The following EYS variants were observed in gnomAD, a reference collection of about 807,000 sequenced individuals.
EYS encodes the protein EGF-like photoreceptor maintenance factor, also known as protein eyes shut homolog.
Under a neutral mutation model 282.1 loss-of-function variants are expected in EYS, and 250 were observed. That is an observed-to-expected ratio of 0.89 (90% confidence interval 0.80 to 0.98). EYS has a LOEUF of 0.98. Among genes scored for constraint, EYS ranks in the 50% least tolerant of loss-of-function variants. The pLI is 0.00. For missense variants in EYS, 4,016 were observed against 3,709.0 expected (o/e 1.08, Z -2.15); for synonymous variants, 1,355 against 1,282.9 (o/e 1.06, Z -1.20).
rs369722370 is a variant in EYS, at chr6:64,491,660, G to A, written c.5645-52308C>T. Among the ~76,000 whole-genome samples the A allele has an allele frequency of 1.3e-4, 19 of 151,054 alleles. No homozygotes were observed. In the East Asian group the frequency reaches 1.6e-3, roughly 12 times the overall value. ...TAAGTACCATTATCCTCTCTTTGCA[G>A]ATGAGTAAACTGAGGCACAGAGAGT... On this transcript the variant is annotated intron_variant, in intron 26 of 42. Coordinates refer to ENST00000503581, the MANE Select transcript of EYS (RefSeq NM_001142800.2).
At chr6:64,600,841 T>C (rs892557939) in intron 24 of EYS, among the ~76,000 whole-genome samples, 7 of 152,256 alleles carry the variant, frequency 4.6e-5, no homozygotes, top group African/African-American at 1.7e-4. Flanking sequence ...TTTTCCCTTT[T>C]GTAGATAACT....
At chr6:65,611,135 T>G (rs1309388451) in intron 2 of EYS, among the ~76,000 whole-genome samples, 1 of 151,874 alleles carries the variant, frequency 6.6e-6, no homozygotes, top group African/African-American at 2.4e-5. Flanking sequence ...TTTTCTCTTT[T>G]ATTTTTTGAA....
chr6:65,564,519 G>A (rs1562261903), intron 2 of EYS, among the ~76,000 whole-genome samples: 1 of 152,064 alleles, frequency 6.6e-6, no homozygotes, highest in Non-Finnish European at 1.5e-5. Context: ...AACAGGCAAT[G>A]GGGAAAGGAT....
At chr6:64,451,577 T>C (rs1298695727) in intron 26 of EYS, among the ~76,000 whole-genome samples, 4 of 152,094 alleles carry the variant, frequency 2.6e-5, no homozygotes, top group Non-Finnish European at 5.9e-5. Context: ...TTTAGACCAA[T>C]ATCCTTGACG....
chr6:65,375,790 T>A (rs1021482281), intron 8 of EYS, among the ~76,000 whole-genome samples: 10 of 151,630 alleles, frequency 6.6e-5, no homozygotes, highest in African/African-American at 2.2e-4. Flanking sequence ...AGATTGAAGA[T>A]CAACTTAATG....
chr6:65,642,336 A>G (rs1188740295), intron 1 of EYS, among the ~76,000 whole-genome samples: 1 of 152,152 alleles, frequency 6.6e-6, no homozygotes, highest in Non-Finnish European at 1.5e-5. Context: ...ATAATTAAGC[A>G]CTGCATAATT....
chr6:65,334,884 AC>A, intron 11 of EYS, 95 bp downstream of exon 11: 4 of 1,179,358 alleles, frequency 3.4e-6, no homozygotes, highest in Non-Finnish European at 5.0e-6. Flanking sequence ...ATTTTAATCA[AC>A]AAAAACATTG....
At chr6:65,575,355 T>TAAATAAATAAAG (rs1263839216) in intron 2 of EYS, among the ~76,000 whole-genome samples, 1 of 148,888 alleles carries the variant, frequency 6.7e-6, no homozygotes. Context: ...AATAAATAAA[T>TAAATAAATAAAG]ATTGATTAAA....
At chr6:65,119,740 A>G (rs1285254564) in intron 12 of EYS, among the ~76,000 whole-genome samples, 2 of 150,858 alleles carry the variant, frequency 1.3e-5, no homozygotes, top group Non-Finnish European at 2.9e-5. Context: ...GGTGGTATAC[A>G]CCTGTGGTTC....
intron 30 of EYS, among the ~76,000 whole-genome samples, chr6:64,257,310 T>C (rs9362642): frequency 0.69 from 104,441 of 151,840 alleles, 35,942 homozygotes; most frequent in South Asian, 0.71. Context: ...TGAGGACTTT[T>C]AAATGTCACT....
intron 29 of EYS, among the ~76,000 whole-genome samples, chr6:64,367,332 G>A (rs576467947): frequency 6.6e-6 from 1 of 152,102 alleles, no homozygotes; most frequent in South Asian, 2.1e-4. Context: ...TTTTCTAAGG[G>A]TATGAACCAC....
intron 14 of EYS, among the ~76,000 whole-genome samples, chr6:64,956,088 A>T (rs573292484): frequency 6.6e-6 from 1 of 152,358 alleles, no homozygotes; most frequent in Admixed American, 6.5e-5. Flanking sequence ...AATAGAAAAA[A>T]AAAATTCCAA....
Position 65,600,799 on chromosome 6 carries a change from T to C in EYS, c.-333+38979A>G, listed in dbSNP as rs554675701. 9.6e-4 allele frequency among the ~76,000 whole-genome samples: 146 copies of C among 151,936 alleles called. 1 individual carries two copies. The highest frequency in any genetic ancestry group is 3.3e-3 in the African/African-American group (135 of 41,492). On this transcript the variant is annotated intron_variant, in intron 2 of 42. Transcript: ENST00000503581. ...TTGACAAAGATATATATAGGACACA[T>C]AGTAATCAAAACAAAAGTGGCAATT...
intron 2 of EYS, among the ~76,000 whole-genome samples, chr6:65,515,094 C>G (rs9800575): frequency 0.29 from 43,811 of 151,824 alleles, 7,062 homozygotes; most frequent in African/African-American, 0.43. Flanking sequence ...AAATTTACAA[C>G]AAAACAACAA....
chr6:64,675,467 G>T (rs1355982150), intron 22 of EYS, among the ~76,000 whole-genome samples: 1 of 105,930 alleles, frequency 9.4e-6, no homozygotes, highest in African/African-American at 3.8e-5. Context: ...TGGCTCTGTT[G>T]CCCTTGCTGG....
At chr6:65,505,693 A>G (rs1271121818) in intron 2 of EYS, among the ~76,000 whole-genome samples, 1 of 152,108 alleles carries the variant, frequency 6.6e-6, no homozygotes, top group African/African-American at 2.4e-5. Flanking sequence ...AAATAATTTG[A>G]CATTTCTTCA....
chr6:64,094,223 G>A (rs1772491242), intron 31 of EYS, among the ~76,000 whole-genome samples: 1 of 151,974 alleles, frequency 6.6e-6, no homozygotes, highest in Non-Finnish European at 1.5e-5. Context: ...TCTCTTTTTT[G>A]GTTGTGTCTT....
intron 37 of EYS, among the ~76,000 whole-genome samples, chr6:63,790,502 T>C (rs1446895196): frequency 2.6e-5 from 4 of 152,260 alleles, no homozygotes; most frequent in Admixed American, 1.3e-4. Context: ...TTAAGTGACC[T>C]ACCATAGACC....
chr6:64,571,855 G>T (rs556630804), intron 26 of EYS, among the ~76,000 whole-genome samples: 2 of 152,212 alleles, frequency 1.3e-5, no homozygotes, highest in East Asian at 3.9e-4. Flanking sequence ...GTTCAAAGAG[G>T]AGCTGGTGCC....
Sources: gnomAD v4.1 joint callset for allele counts (sites outside exome capture counted in the v4.1 genomes callset) on GRCh38, gnomAD v4.1.1 for gene constraint, MANE v1.5 for transcripts, NCBI Gene and HGNC (gene_info 2026-07-23, HGNC 2026-07-21) for gene names.